NXN: variants seen among roughly 807,000 people sequenced by gnomAD.
NXN encodes the protein nucleoredoxin.
Under a neutral mutation model 48.6 loss-of-function variants are expected in NXN, and 16 were observed. That is an observed-to-expected ratio of 0.33 (90% confidence interval 0.22 to 0.50). The LOEUF is 0.50. Ranked by LOEUF, NXN falls within the 20% of genes least tolerant of loss-of-function variation. NXN has a pLI of 0.98. For missense variants in NXN, 492 were observed against 605.5 expected (o/e 0.81, Z 1.97); for synonymous variants, 281 against 269.6 (o/e 1.04, Z -0.41).
chr17:906,993 C>T (rs1420522836), intron 1 of NXN, among the ~76,000 whole-genome samples: 1 of 152,152 alleles, frequency 6.6e-6, no homozygotes, highest in East Asian at 1.9e-4. Context: ...ATTTTGCACA[C>T]ACCTGTCCTT....
intron 1 of NXN, among the ~76,000 whole-genome samples, chr17:896,461 C>A (rs1192814303): frequency 2.0e-5 from 3 of 152,118 alleles, no homozygotes; most frequent in Non-Finnish European, 2.9e-5. Context: ...GAGCTGTGAT[C>A]GTGCCACGGC....
intron 1 of NXN, among the ~76,000 whole-genome samples, chr17:962,605 A>G (rs1384527717): frequency 6.6e-6 from 1 of 152,236 alleles, no homozygotes; most frequent in Non-Finnish European, 1.5e-5. Context: ...TATCTATTTC[A>G]TAACTTTGGA....
At chr17:813,175 G>A (rs75221197) in intron 5 of NXN, among the ~76,000 whole-genome samples, 8 of 152,250 alleles carry the variant, frequency 5.3e-5, no homozygotes, top group African/African-American at 1.9e-4. Flanking sequence ...GTTTTGTGAC[G>A]CTACAAAGCT....
chr17:921,756 C>A (rs954133343), intron 1 of NXN, among the ~76,000 whole-genome samples: 1 of 146,890 alleles, frequency 6.8e-6, no homozygotes, highest in African/African-American at 2.5e-5. Context: ...CCGGCCCAGG[C>A]TCTCATCCTC....
chr17:971,811 A>G (rs2069383863), intron 1 of NXN, among the ~76,000 whole-genome samples: 1 of 152,242 alleles, frequency 6.6e-6, no homozygotes, highest in Non-Finnish European at 1.5e-5. Flanking sequence ...AATGCAACAC[A>G]GAAAACTAAG....
chr17:911,902 C>T (rs2068640181), intron 1 of NXN, among the ~76,000 whole-genome samples: 1 of 151,752 alleles, frequency 6.6e-6, no homozygotes, highest in Non-Finnish European at 1.5e-5. Context: ...GTAATCCCCT[C>T]AGTTAAGTAA....
At chr17:977,140 G>A (rs955797540) in intron 1 of NXN, among the ~76,000 whole-genome samples, 7 of 152,208 alleles carry the variant, frequency 4.6e-5, no homozygotes, top group Middle Eastern at 3.2e-3. Flanking sequence ...GACAGCTGGA[G>A]TCTTTTTACC....
intron 1 of NXN, among the ~76,000 whole-genome samples, chr17:833,412 G>A (rs531397066): frequency 2.0e-5 from 3 of 152,156 alleles, no homozygotes; most frequent in South Asian, 2.1e-4. Flanking sequence ...AGTGACTTGC[G>A]GATTCACTTA....
At chr17:823,886 G>T in intron 2 of NXN, 121 bp from the exon 3 acceptor site, 1 of 908,010 alleles carries the variant, frequency 1.1e-6, no homozygotes, top group East Asian at 2.5e-5. Flanking sequence ...ACCTCAGAGC[G>T]GCAGGCGTGA....
chr17:882,490 G>A (rs1394330172), intron 1 of NXN, among the ~76,000 whole-genome samples: 5 of 128,874 alleles, frequency 3.9e-5, no homozygotes, highest in East Asian at 2.2e-4. Flanking sequence ...TTTTGAGATG[G>A]AGTCTCGCTC....
Position 849,578 on chromosome 17 carries a change from C to T in NXN, c.361-23500G>A, listed in dbSNP as rs888462889. Among the ~76,000 whole-genome samples, 4 of 152,130 alleles carry T rather than the reference C, an allele frequency of 2.6e-5. No individual in the cohort carries two copies. The highest frequency in any genetic ancestry group is 2.0e-4 in the Admixed American group (3 of 15,266). ...CTAGGAGCAGGCTCCAGGAGGGCAC[C>T]GCACTGGCCCTCTCAGCCTCAGGGG... On this transcript the variant is annotated intron_variant, in intron 1 of 7. Coordinates refer to ENST00000336868, the MANE Select transcript of NXN (RefSeq NM_022463.5). This position sits in a 1 kb window ranked among gnomAD's most constrained non-coding sequence, Gnocchi z 4.2.
chr17:977,362 C>G (rs1388824659), intron 1 of NXN, among the ~76,000 whole-genome samples: 1 of 152,220 alleles, frequency 6.6e-6, no homozygotes, highest in Admixed American at 6.5e-5. Flanking sequence ...AGAGTCTGCC[C>G]TGTGTCATCC....
At position 971,304 on chromosome 17, in the gene NXN, T is replaced by C. The variant is rs571018751; in HGVS notation, c.360+8015A>G. Among the ~76,000 whole-genome samples the C allele has an allele frequency of 2.0e-5, 3 of 152,226 alleles. No homozygotes were observed. The East Asian group carries it at 5.8e-4, about 29-fold the overall frequency. ...TTCAAAAATGGAGAGTCAAGCTTTT[T>C]CCTATTTTTGAGCACAGAATCACAC... On this transcript the variant is annotated intron_variant, in intron 1 of 7. Transcript: ENST00000336868.
chr17:853,121 G>A (rs2067942452), intron 1 of NXN, among the ~76,000 whole-genome samples: 1 of 151,964 alleles, frequency 6.6e-6, no homozygotes, highest in Admixed American at 6.5e-5. Flanking sequence ...GGGACCACAG[G>A]CGCCCACCAC....
At chr17:915,109 T>A (rs2068674101) in intron 1 of NXN, among the ~76,000 whole-genome samples, 1 of 152,014 alleles carries the variant, frequency 6.6e-6, no homozygotes, top group East Asian at 1.9e-4. Context: ...TCATTTTTTG[T>A]ATTTTTAGTA....
chr17:842,238 C>T (rs1441683192), intron 1 of NXN, among the ~76,000 whole-genome samples: 2 of 152,216 alleles, frequency 1.3e-5, no homozygotes, highest in Admixed American at 6.5e-5. Context: ...GACATTTTCC[C>T]GGCTAGCACT....
Position 805,080 on chromosome 17 carries a change from C to T in NXN, c.988G>A (p.Val330Ile), listed in dbSNP as rs775415213. The T allele has an allele frequency of 8.1e-6, 13 of 1,597,402 alleles. No homozygotes were observed. The highest frequency in any genetic ancestry group is 1.7e-5 in the Admixed American group (1 of 58,044). ...AAQLNEGPCL[V>I]LFVDSEDDGE... ...GTGAGCTTCATACCTACAAAAAGGA[C>T]GAGGCAGGGGCCCTCGTTAAGCTGC... is the stretch of plus-strand genomic sequence containing the variant. The change falls in exon 6 of 8, where the codon GTC becomes ATC. Residue 330 changes from valine to isoleucine, a missense_variant. Physicochemically the swap from Val to Ile is conservative, Grantham distance 29 (BLOSUM62 3). Coordinates refer to ENST00000336868, the MANE Select transcript of NXN (RefSeq NM_022463.5).
intron 1 of NXN, among the ~76,000 whole-genome samples, chr17:946,797 G>T (rs886608959): frequency 4.6e-5 from 7 of 152,332 alleles, no homozygotes; most frequent in Non-Finnish European, 1.0e-4. Flanking sequence ...GAAAATGGGG[G>T]TGATCACGCC....
chr17:979,241 G>A (rs1417250208), intron 1 of NXN, 78 bp downstream of exon 1: 3 of 1,076,888 alleles, frequency 2.8e-6, no homozygotes, highest in Non-Finnish European at 3.5e-6. Flanking sequence ...CGGAGGGCAG[G>A]GGTAACGGGC....
Sources: allele counts gnomAD v4.1 joint callset (sites outside exome capture counted in the v4.1 genomes callset), GRCh38; gene constraint gnomAD v4.1.1; non-coding constraint Gnocchi (gnomAD v3.1); transcripts MANE v1.5; gene names NCBI Gene and HGNC (gene_info 2026-07-23, HGNC 2026-07-21).